Variants in CCDC3 observed in about 807,000 individuals in gnomAD.
The protein encoded by CCDC3 is coiled-coil domain-containing protein 3.
Under a neutral mutation model 21.4 loss-of-function variants are expected in CCDC3, and 24 were observed. The ratio of observed to expected loss-of-function variants is 1.12; its 90% CI spans 0.81 to 1.58. The LOEUF (loss-of-function observed/expected upper bound fraction) is 1.58. Ranked by LOEUF, CCDC3 falls within the 40% of genes most tolerant of loss-of-function variation. The pLI, the probability that CCDC3 is intolerant of heterozygous loss-of-function variation, is 0.00. For synonymous variants in CCDC3, 186 were observed against 166.0 expected (o/e 1.12, Z -0.93); for missense variants, 425 against 360.9 (o/e 1.18, Z -1.44).
At chr10:12,933,638 A>G (rs1564289287) in intron 2 of CCDC3, among the ~76,000 whole-genome samples, 1 of 152,022 alleles carries the variant, frequency 6.6e-6, no homozygotes, top group Non-Finnish European at 1.5e-5. Flanking sequence ...TTGTGTTTTT[A>G]GTAGAGATGG....
At chr10:13,068,768 A>G (rs1836850543) in intron 4 of CCDC3, among the ~76,000 whole-genome samples, 1 of 152,218 alleles carries the variant, frequency 6.6e-6, no homozygotes, top group Non-Finnish European at 1.5e-5. Flanking sequence ...AATTGCTGGG[A>G]GTTACCATTA....
At chr10:12,906,960 T>C (rs1244146924) in intron 2 of CCDC3, among the ~76,000 whole-genome samples, 2 of 152,192 alleles carry the variant, frequency 1.3e-5, no homozygotes, top group Non-Finnish European at 2.9e-5. Flanking sequence ...AACCAAACGA[T>C]GACATTCTAC....
intron 3 of CCDC3, among the ~76,000 whole-genome samples, chr10:13,085,695 A>C (rs183725751): frequency 1.8e-3 from 272 of 152,336 alleles, no homozygotes; most frequent in Non-Finnish European, 2.3e-3. Context: ...GGCCAGGTGC[A>C]GTGGCTCATG....
upstream of CCDC3, among the ~76,000 whole-genome samples, chr10:13,004,134 C>T (rs543276523): frequency 7.7e-4 from 117 of 152,240 alleles, no homozygotes; most frequent in Middle Eastern, 0.014. Context: ...CTCTTGATTC[C>T]GAGACCTATA....
chr10:12,905,004 T>A (rs561682261), intron 2 of CCDC3, among the ~76,000 whole-genome samples: 10 of 151,866 alleles, frequency 6.6e-5, no homozygotes, highest in Non-Finnish European at 1.3e-4. Flanking sequence ...AGAGGATTCT[T>A]GCCTTTCACA....
intron 5 of CCDC3, among the ~76,000 whole-genome samples, chr10:13,014,466 A>AG (rs1372025992): frequency 2.0e-5 from 1 of 50,252 alleles, no homozygotes; most frequent in Non-Finnish European, 6.2e-5. Flanking sequence ...AAGAAAAAAA[A>AG]AAAAGAAAAA....
chr10:13,025,034 C>T (rs866341069), intron 5 of CCDC3, among the ~76,000 whole-genome samples: 3 of 152,334 alleles, frequency 2.0e-5, no homozygotes, highest in Middle Eastern at 3.4e-3. Context: ...TCTATTGCTG[C>T]ATAACAAACC....
intron 2 of CCDC3, among the ~76,000 whole-genome samples, chr10:12,909,977 G>T (rs1834240577): frequency 6.6e-6 from 1 of 152,182 alleles, no homozygotes; most frequent in African/African-American, 2.4e-5. Flanking sequence ...AAACCCCAAG[G>T]GCTCCTGGCC....
At chr10:12,991,510 G>A (rs148787292) in intron 2 of CCDC3, among the ~76,000 whole-genome samples, 79 of 152,064 alleles carry the variant, frequency 5.2e-4, no homozygotes, top group South Asian at 4.0e-3. Context: ...TAGTAGAGAC[G>A]GGGTTTCACC....
At position 12,898,544 on chromosome 10, in the gene CCDC3, G is replaced by T. The variant is rs749951291; in HGVS notation, c.685C>A (p.Arg229=). ...ERVKKVKRSL[R]QARKKGRHLE... is the part of the protein sequence containing the mutation. Reference sequence around the variant, plus strand: ...TGGCGGCCCTTCTTACGCGCCTGCCGCAAGGACCTCTTGACCTTCTTCACT... The same window carrying T: ...TGGCGGCCCTTCTTACGCGCCTGCCTCAAGGACCTCTTGACCTTCTTCACT... Residue 229 remains arginine (R), a synonymous_variant, in exon 3 of 3, where the codon CGG becomes AGG. Coordinates refer to ENST00000378825, the MANE Select transcript of CCDC3 (RefSeq NM_031455.4). The T allele has an allele frequency of 1.9e-6, 3 of 1,614,074 alleles. No individual in the cohort carries two copies. The highest frequency in any genetic ancestry group is 1.7e-6 in the Non-Finnish European group (2 of 1,180,050).
chr10:13,058,327 C>G (rs935190658), intron 4 of CCDC3: 2 of 1,288,700 alleles, frequency 1.6e-6, no homozygotes, highest in African/African-American at 2.9e-5. Context: ...CTTCATAGAT[C>G]TTGTCCATGC....
intron 2 of CCDC3, among the ~76,000 whole-genome samples, chr10:12,997,336 G>A (rs891763838): frequency 1.5e-4 from 23 of 151,872 alleles, no homozygotes; most frequent in East Asian, 7.7e-4. Context: ...GTCTTCAATC[G>A]GGGACCGGAA....
At chr10:12,957,207 T>G in intron 2 of CCDC3, among the ~76,000 whole-genome samples, 1 of 152,122 alleles carries the variant, frequency 6.6e-6, no homozygotes, top group East Asian at 1.9e-4. Context: ...TTGTGTAACT[T>G]TGTCAATTTC....
At chr10:13,059,801 T>C (rs1348892903) in intron 4 of CCDC3, among the ~76,000 whole-genome samples, 2 of 152,042 alleles carry the variant, frequency 1.3e-5, no homozygotes, top group African/African-American at 4.8e-5. Context: ...TAAAAAAACA[T>C]TGTTTTGGCC....
At chr10:13,019,378 C>A (rs1011356954) in intron 5 of CCDC3, among the ~76,000 whole-genome samples, 1 of 152,170 alleles carries the variant, frequency 6.6e-6, no homozygotes, top group African/African-American at 2.4e-5. Context: ...TTTTTAGCAT[C>A]AGGAAAAAGT....
intron 2 of CCDC3, among the ~76,000 whole-genome samples, chr10:12,990,272 A>C (rs1267702414): frequency 6.6e-6 from 1 of 152,046 alleles, no homozygotes; most frequent in Non-Finnish European, 1.5e-5. Context: ...CCAAAAAAAA[A>C]AAAAAAAAGA....
chr10:12,920,890 C>T (rs964302664), intron 2 of CCDC3, among the ~76,000 whole-genome samples: 1 of 152,196 alleles, frequency 6.6e-6, no homozygotes, highest in Non-Finnish European at 1.5e-5. Flanking sequence ...AGACTGACTA[C>T]CTCTAGGAAA....
At chr10:13,091,102 C>T (rs1832560669) in intron 3 of CCDC3, among the ~76,000 whole-genome samples, 1 of 152,168 alleles carries the variant, frequency 6.6e-6, no homozygotes, top group Non-Finnish European at 1.5e-5. Flanking sequence ...CTTCCACCTT[C>T]TTCTGCCTGC....
chr10:12,937,230 C>T (rs1834753777), intron 2 of CCDC3, among the ~76,000 whole-genome samples: 1 of 152,062 alleles, frequency 6.6e-6, no homozygotes, highest in Non-Finnish European at 1.5e-5. Context: ...AAGTTGTGAC[C>T]CTGTATTTTC....
Sources: allele counts gnomAD v4.1 joint callset (sites outside exome capture counted in the v4.1 genomes callset), GRCh38; gene constraint gnomAD v4.1.1; transcripts MANE v1.5; gene names NCBI Gene and HGNC (gene_info 2026-07-23, HGNC 2026-07-21).